Variants in OPRM1 observed in about 807,000 individuals in gnomAD.
OPRM1 encodes the protein mu-type opioid receptor.
A neutral mutation model predicts 31.8 loss-of-function variants in OPRM1; 27 were observed. The ratio of observed to expected loss-of-function variants is 0.85; its 90% CI spans 0.63 to 1.17. The LOEUF is 1.17. OPRM1 is among the 50% of genes most tolerant of loss of function. OPRM1 has a pLI of 0.00. For synonymous variants in OPRM1, 196 were observed against 189.9 expected (o/e 1.03, Z -0.26); for missense variants, 536 against 511.1 (o/e 1.05, Z -0.47).
At chr6:154,135,294 C>T (rs896641974), downstream of OPRM1, among the ~76,000 whole-genome samples, 1 of 152,110 alleles carries the variant, frequency 6.6e-6, no homozygotes, top group East Asian at 1.9e-4. Flanking sequence ...CATGGCAACA[C>T]CCCGTCTCTA....
chr6:154,140,679 G>C (rs1798181599), intron 3 of OPRM1, among the ~76,000 whole-genome samples: 1 of 151,942 alleles, frequency 6.6e-6, no homozygotes, highest in African/African-American at 2.4e-5. Flanking sequence ...ATCATATGCA[G>C]CTCCAGATAG....
In OPRM1 at chr6:154,129,568, A is replaced by G; in HGVS notation, c.*10847A>G. 6.6e-6 allele frequency among the ~76,000 whole-genome samples: 1 copy of G among 152,258 alleles called. No homozygotes were observed. Among genetic ancestry groups the G allele is most frequent in the Non-Finnish European group, 1.5e-5 (1 of 68,048 alleles). On this transcript the variant is annotated 3_prime_UTR_variant, in exon 4 of 4. Transcript: ENST00000330432. The stretch of plus-strand genomic sequence containing the variant: ...TTAGTGCCCACTGTTACAGAAAATC[A>G]TAATGGAAAAACTAAAATGTCAATA...
chr6:154,019,503 C>T (rs1344307393), intron 1 of OPRM1, among the ~76,000 whole-genome samples: 1 of 151,926 alleles, frequency 6.6e-6, no homozygotes, highest in Non-Finnish European at 1.5e-5. Flanking sequence ...ATTATAGTAC[C>T]ATATAGAATA....
chr6:154,104,419 T>C (rs1280071396), intron 3 of OPRM1, among the ~76,000 whole-genome samples: 2 of 152,246 alleles, frequency 1.3e-5, no homozygotes, highest in African/African-American at 4.8e-5. Context: ...CTGTTGGAAC[T>C]AAGCTGATAT....
At chr6:154,095,662 C>T (rs1370463811) in intron 3 of OPRM1, among the ~76,000 whole-genome samples, 1 of 152,160 alleles carries the variant, frequency 6.6e-6, no homozygotes, top group Non-Finnish European at 1.5e-5. Context: ...AGAGGTCTTT[C>T]CCTAGCTGAG....
At chr6:154,245,607 TG>T (rs1298355338) in intron 3 of OPRM1, among the ~76,000 whole-genome samples, 3 of 152,228 alleles carry the variant, frequency 2.0e-5, no homozygotes, top group East Asian at 3.8e-4. Context: ...ATGACATGCA[TG>T]CCCACGTCAT....
At position 154,120,091 on chromosome 6, in the gene OPRM1, G is replaced by T. The variant is rs569663454; in HGVS notation, c.*1370G>T. The stretch of plus-strand genomic sequence containing the variant: ...TAGAAGCTCTCCATTTTGAACTTTT[G>T]TCAGCATTGATTAAAAGAATCAAAT... On this transcript the variant is annotated 3_prime_UTR_variant, in exon 4 of 4. Coordinates refer to ENST00000330432, the MANE Select transcript of OPRM1 (RefSeq NM_000914.5). Among the ~76,000 whole-genome samples the T allele has an allele frequency of 9.9e-4, 151 of 152,224 alleles. 1 individual carries two copies. The highest frequency in any genetic ancestry group is 3.4e-3 in the African/African-American group (142 of 41,540).
chr6:154,198,856 T>G (rs189695449), intron 3 of OPRM1, among the ~76,000 whole-genome samples: 26 of 152,300 alleles, frequency 1.7e-4, no homozygotes, highest in African/African-American at 5.5e-4. Context: ...CAACTTTCTC[T>G]CAATGGCACA....
intron 1 of OPRM1, among the ~76,000 whole-genome samples, chr6:154,033,355 A>T (rs896346665): frequency 6.6e-6 from 1 of 152,170 alleles, no homozygotes; most frequent in Admixed American, 6.5e-5. Flanking sequence ...AGAGATGAAA[A>T]CATGAATAAA....
chr6:154,144,748 C>CAAAAAAA (rs58367883), intron 3 of OPRM1, among the ~76,000 whole-genome samples: 3 of 70,500 alleles, frequency 4.3e-5, no homozygotes, highest in Admixed American at 1.8e-4. Context: ...GACTCTGTCT[C>CAAAAAAA]AAAAAAAAAA....
In OPRM1 at chr6:154,110,386, T is replaced by C. The variant is rs1419884781; in HGVS notation, c.1165-8297T>C. The stretch of plus-strand genomic sequence containing the variant: ...GATTTATTTCAAAAGTCATCTTTAC[T>C]CAACTGTGAGCATACCAAGGGCTAA... On this transcript the variant is annotated intron_variant, in intron 3 of 3. Transcript: ENST00000330432. The C allele has an allele frequency of 3.3e-6, 5 of 1,504,856 alleles. No individual in the cohort carries two copies. The South Asian group carries it at 4.8e-5, about 15-fold the overall frequency. The allele number at this position is 1,504,856 out of a possible 1,614,324, so 93.2% of individuals were successfully genotyped here. A position where few individuals can be genotyped will look rare whatever the true frequency, so the allele number is the denominator to read the frequency against.
In OPRM1 at chr6:154,110,886, C is replaced by CAAAA. The variant is rs374739553; in HGVS notation, c.1165-7777_1165-7774dup. Among the ~76,000 whole-genome samples, 266 of 63,580 alleles carry CAAAA rather than the reference C, an allele frequency of 4.2e-3. 25 individuals carry two copies. Among genetic ancestry groups the CAAAA allele is most frequent in the East Asian group, 0.011 (18 of 1,638 alleles). 41.7% of individuals were successfully genotyped at this position (63,580 alleles called of 152,430 possible). A position where few individuals can be genotyped will look rare whatever the true frequency, so the allele number is the denominator to read the frequency against. ...TGGGCGACAAAGCGAGACTCCGTCT[C>CAAAA]AAAAAAAAAAAAAAAAAAAAAAAGA... On this transcript the variant is annotated intron_variant, in intron 3 of 3. Coordinates refer to ENST00000330432, the MANE Select transcript of OPRM1 (RefSeq NM_000914.5).
intron 1 of OPRM1, among the ~76,000 whole-genome samples, chr6:154,084,917 AACAC>A (rs71669485): frequency 0.2 from 29,859 of 146,314 alleles, 3,056 homozygotes; most frequent in East Asian, 0.24. Flanking sequence ...TGTGGAATTA[AACAC>A]ACACACACAC....
chr6:154,206,079 G>C (rs1777470345), intron 3 of OPRM1, among the ~76,000 whole-genome samples: 2 of 152,094 alleles, frequency 1.3e-5, no homozygotes, highest in African/African-American at 4.8e-5. Context: ...CCCCATATTG[G>C]TAACAGTCCC....
intron 3 of OPRM1, among the ~76,000 whole-genome samples, chr6:154,222,606 C>T (rs1778952512): frequency 6.6e-6 from 1 of 152,186 alleles, no homozygotes; most frequent in Non-Finnish European, 1.5e-5. Flanking sequence ...AGGTCACAAA[C>T]TCTTTGGGCT....
intron 3 of OPRM1, among the ~76,000 whole-genome samples, chr6:154,163,425 CT>C (rs1799182619): frequency 6.6e-6 from 1 of 152,184 alleles, no homozygotes; most frequent in African/African-American, 2.4e-5. Flanking sequence ...CTTTCATGTC[CT>C]TCCTAATTAA....
intron 3 of OPRM1, among the ~76,000 whole-genome samples, chr6:154,102,815 G>A (rs1352701672): frequency 6.6e-6 from 1 of 151,526 alleles, no homozygotes; most frequent in Non-Finnish European, 1.5e-5. Flanking sequence ...TTAAAGCAAT[G>A]CTTGAGAAAA....
chr6:154,086,495 A>G, intron 1 of OPRM1: 1 of 692,868 alleles, frequency 1.4e-6, no homozygotes, highest in Non-Finnish European at 1.8e-6. Flanking sequence ...AAATGTATAC[A>G]CATTGTGGAA....
intron 3 of OPRM1, among the ~76,000 whole-genome samples, chr6:154,200,929 CAT>C (rs1295735600): frequency 1.3e-5 from 2 of 152,166 alleles, no homozygotes; most frequent in Non-Finnish European, 2.9e-5. Context: ...GTAATCCCCA[CAT>C]GTCGAGGGAG....
Sources: allele counts gnomAD v4.1 joint callset (sites outside exome capture counted in the v4.1 genomes callset), GRCh38; gene constraint gnomAD v4.1.1; transcripts MANE v1.5; gene names NCBI Gene and HGNC (gene_info 2026-07-23, HGNC 2026-07-21).